GNB4: variants seen among roughly 807,000 people sequenced by gnomAD.
The protein encoded by GNB4 is guanine nucleotide-binding protein subunit beta-4.
In GNB4, 28 loss-of-function variants were observed where a neutral mutation model predicts 45.2. That is an observed-to-expected ratio of 0.62 (90% CI 0.46 to 0.85). The LOEUF (loss-of-function observed/expected upper bound fraction) is 0.85, where lower values mean the gene tolerates loss of function less well. Among genes scored for constraint, GNB4 ranks in the 40% least tolerant of loss-of-function variants. The pLI, the probability that GNB4 is intolerant of heterozygous loss-of-function variation, is 0.00. For missense variants in GNB4, 321 were observed against 425.4 expected, an observed-to-expected ratio of 0.75 and a Z score of 2.16; for synonymous variants, 132 against 143.7, an observed-to-expected ratio of 0.92 and a Z score of 0.58.
At chr3:179,447,172 G>A (rs1041368729) in intron 1 of GNB4, among the ~76,000 whole-genome samples, 8 of 151,908 alleles carry the variant, frequency 5.3e-5, no homozygotes, top group African/African-American at 1.9e-4. Flanking sequence ...TCTTCATTGG[G>A]AGAAAGCATT....
the GNB4 span, among the ~76,000 whole-genome samples, chr3:179,493,243 CA>C: frequency 6.6e-6 from 1 of 152,146 alleles, no homozygotes; most frequent in Non-Finnish European, 1.5e-5. Context: ...TGAAGAGCTA[CA>C]AAGTACCTGA....
chr3:179,499,607 A>C, the GNB4 span, among the ~76,000 whole-genome samples: 2 of 152,272 alleles, frequency 1.3e-5, no homozygotes, highest in African/African-American at 4.8e-5. Flanking sequence ...GTATATACCC[A>C]GTAATGGGAT....
intron 1 of GNB4, among the ~76,000 whole-genome samples, chr3:179,438,201 T>A (rs959013039): frequency 6.6e-6 from 1 of 152,224 alleles, no homozygotes; most frequent in African/African-American, 2.4e-5. Flanking sequence ...GTAGTAACTC[T>A]TTATTTAGTT....
intron 1 of GNB4, among the ~76,000 whole-genome samples, chr3:179,450,758 A>C (rs1035141510): frequency 8.5e-5 from 13 of 152,224 alleles, no homozygotes; most frequent in African/African-American, 2.4e-5. Context: ...GAGAAAAGCA[A>C]AACACTTTTT....
At chr3:179,494,217 T>A in the GNB4 span, among the ~76,000 whole-genome samples, 1 of 149,488 alleles carries the variant, frequency 6.7e-6, no homozygotes, top group Non-Finnish European at 1.5e-5. Context: ...ATACAATAAA[T>A]CACTTCTTCT....
At chr3:179,509,961 C>T in the GNB4 span, among the ~76,000 whole-genome samples, 3 of 152,054 alleles carry the variant, frequency 2.0e-5, no homozygotes, top group Admixed American at 6.5e-5. Flanking sequence ...GTAGCTTGGA[C>T]GCCAAGTGTG....
intron 1 of GNB4, among the ~76,000 whole-genome samples, chr3:179,447,344 A>AT (rs1405987582): frequency 2.4e-5 from 1 of 41,396 alleles, no homozygotes; most frequent in Admixed American, 4.4e-4. Flanking sequence ...TGATCATGGT[A>AT]TTAAAAAAAA....
intron 9 of GNB4, 47 bp from the exon 10 acceptor site, chr3:179,401,366 A>G: frequency 7.9e-7 from 1 of 1,272,774 alleles, no homozygotes; most frequent in African/African-American, 1.5e-5. Context: ...GGGTTTTAGA[A>G]TTAAACAAGT....
At chr3:179,424,022 C>A (rs892258859) in intron 2 of GNB4, among the ~76,000 whole-genome samples, 2 of 152,082 alleles carry the variant, frequency 1.3e-5, no homozygotes, top group African/African-American at 4.8e-5. Flanking sequence ...GTTCAGGGAA[C>A]CAGACTAGTA....
the GNB4 span, among the ~76,000 whole-genome samples, chr3:179,469,725 A>T: frequency 6.6e-6 from 1 of 152,246 alleles, no homozygotes; most frequent in Non-Finnish European, 1.5e-5. Context: ...TTAGGAAACC[A>T]TTCTTTCCTC....
the GNB4 span, among the ~76,000 whole-genome samples, chr3:179,494,582 C>T: frequency 7.8e-5 from 11 of 141,182 alleles, no homozygotes; most frequent in East Asian, 2.1e-4. Context: ...AGGGAGGGAG[C>T]GAGGGAAGGA....
At chr3:179,518,364 C>T in the GNB4 span, among the ~76,000 whole-genome samples, 3 of 152,116 alleles carry the variant, frequency 2.0e-5, no homozygotes, top group South Asian at 4.2e-4. Flanking sequence ...TGGTTCCCTC[C>T]TTAGTCTCTG....
rs186007285 is a variant in GNB4, at chr3:179,423,971, A to G, written c.57+2173T>C. 2.8e-3 allele frequency among the ~76,000 whole-genome samples: 420 copies of G among 152,264 alleles called. 10 individuals carry two copies. Among genetic ancestry groups the G allele is most frequent in the Admixed American group, 0.025 (388 of 15,296 alleles). ...CAGGGAACCAAACTAGTATGGCTACAGCACAAGTCGCAGGAAAGGAGATGA... is the reference window on the plus strand; with the variant it reads ...CAGGGAACCAAACTAGTATGGCTACGGCACAAGTCGCAGGAAAGGAGATGA... On this transcript the variant is annotated intron_variant, in intron 2 of 9. Coordinates refer to ENST00000232564, the MANE Select transcript of GNB4 (RefSeq NM_021629.4).
chr3:179,417,087 A>G (rs1714820872), intron 4 of GNB4, among the ~76,000 whole-genome samples: 1 of 152,228 alleles, frequency 6.6e-6, no homozygotes, highest in Non-Finnish European at 1.5e-5. Flanking sequence ...AGGGGTATAA[A>G]ATAAATGCCA....
In GNB4 at chr3:179,416,562, G is replaced by A. The variant is rs752116156; in HGVS notation, c.204-6C>T. 2 of 1,578,768 alleles carry A rather than the reference G, an allele frequency of 1.3e-6. No individual in the cohort carries two copies. Among genetic ancestry groups the A allele is most frequent in the South Asian group, 1.2e-5 (1 of 85,956 alleles). On this transcript the variant is annotated splice_region_variant and splice_polypyrimidine_tract_variant and intron_variant, in intron 4 of 9. Transcript: ENST00000232564. ...GAGAAGCACTGACTAGCAGCCTAGA[G>A]GAACAAACACAAAAATAATTTGACA...
chr3:179,440,531 A>T (rs1715567602), intron 1 of GNB4, among the ~76,000 whole-genome samples: 1 of 152,144 alleles, frequency 6.6e-6, no homozygotes, highest in Non-Finnish European at 1.5e-5. Flanking sequence ...TTTTTTCAAG[A>T]ACTTGTGATT....
chr3:179,469,540 G>A, the GNB4 span, among the ~76,000 whole-genome samples: 252 of 152,200 alleles, frequency 1.7e-3, no homozygotes, highest in Non-Finnish European at 2.4e-3. Flanking sequence ...TGCATGACAC[G>A]TTATTGAGTG....
At chr3:179,439,756 T>C (rs1192898526) in intron 1 of GNB4, among the ~76,000 whole-genome samples, 1 of 152,248 alleles carries the variant, frequency 6.6e-6, no homozygotes, top group South Asian at 2.1e-4. Context: ...ATTTCTCATA[T>C]GAAAATTGTG....
the GNB4 span, among the ~76,000 whole-genome samples, chr3:179,481,429 C>T: frequency 6.6e-6 from 1 of 152,158 alleles, no homozygotes; most frequent in Non-Finnish European, 1.5e-5. Context: ...TCTGCCTCAG[C>T]CTCCCAAAGT....
Sources: gnomAD v4.1 joint callset for allele counts (sites outside exome capture counted in the v4.1 genomes callset) on GRCh38, gnomAD v4.1.1 for gene constraint, MANE v1.5 for transcripts, NCBI Gene and HGNC (gene_info 2026-07-23, HGNC 2026-07-21) for gene names.